The following TBC1D22A variants were observed in gnomAD, a reference collection of about 807,000 sequenced individuals.
TBC1D22A encodes putative GTPase activator.
TBC1D22A carries 38 observed loss-of-function variants against 60.2 expected under a neutral mutation model. That is an observed-to-expected ratio of 0.63 (90% CI 0.49 to 0.83). TBC1D22A has a LOEUF of 0.83. Ranked by LOEUF, TBC1D22A falls within the 40% of genes least tolerant of loss-of-function variation. TBC1D22A has a pLI of 0.00. For synonymous variants in TBC1D22A, 302 were observed against 281.7 expected, an observed-to-expected ratio of 1.07 and a Z score of -0.72; for missense variants, 628 against 701.0, an observed-to-expected ratio of 0.90 and a Z score of 1.18.
At chr22:47,013,132 C>T (rs2061805273) in intron 10 of TBC1D22A, among the ~76,000 whole-genome samples, 1 of 152,200 alleles carries the variant, frequency 6.6e-6, no homozygotes, top group African/African-American at 2.4e-5. Context: ...CTGCATCTGT[C>T]CCAGTCGCTT....
intron 12 of TBC1D22A, among the ~76,000 whole-genome samples, chr22:47,127,430 G>A (rs1211583908): frequency 3.6e-5 from 5 of 140,104 alleles, no homozygotes; most frequent in African/African-American, 1.1e-4. Context: ...TAGTAGAGAC[G>A]GCCAGGCTGG....
chr22:46,978,690 A>G (rs1002263606), intron 9 of TBC1D22A, among the ~76,000 whole-genome samples: 2 of 152,096 alleles, frequency 1.3e-5, no homozygotes, highest in African/African-American at 2.4e-5. Flanking sequence ...GTTCACTGCA[A>G]CCTCCGCCTC....
intron 12 of TBC1D22A, among the ~76,000 whole-genome samples, chr22:47,127,944 TCCTCCACCCCACCCGTCCTTC>T (rs1449695069): frequency 3.2e-5 from 2 of 63,104 alleles, no homozygotes; most frequent in Non-Finnish European, 6.1e-5. Context: ...ACCCATCCTC[TCCTCCACCCCACCCGTCCTTC>T]CCTCCACCCC....
intron 5 of TBC1D22A, among the ~76,000 whole-genome samples, chr22:46,887,388 G>A (rs2068171658): frequency 6.6e-6 from 1 of 152,198 alleles, no homozygotes; most frequent in Admixed American, 6.5e-5. Context: ...GAGTCACTTT[G>A]AAAATTCTTT....
At chr22:46,987,877 G>T (rs990826270) in intron 9 of TBC1D22A, among the ~76,000 whole-genome samples, 1 of 152,114 alleles carries the variant, frequency 6.6e-6, no homozygotes, top group Non-Finnish European at 1.5e-5. Context: ...AGAGCTACTC[G>T]ATGGCATTTT....
At chr22:47,010,947 G>A (rs888121498) in intron 10 of TBC1D22A, among the ~76,000 whole-genome samples, 2 of 152,156 alleles carry the variant, frequency 1.3e-5, no homozygotes, top group Non-Finnish European at 2.9e-5. Context: ...GGGCTGCTGC[G>A]GGGAATGATG....
At chr22:46,852,713 C>T (rs1279885825) in intron 4 of TBC1D22A, among the ~76,000 whole-genome samples, 1 of 152,184 alleles carries the variant, frequency 6.6e-6, no homozygotes, top group Non-Finnish European at 1.5e-5. Context: ...AATCTATTGA[C>T]TCCTGTCTCT....
intron 11 of TBC1D22A, among the ~76,000 whole-genome samples, chr22:47,052,659 G>A (rs1250179941): frequency 6.6e-6 from 1 of 152,184 alleles, no homozygotes; most frequent in Non-Finnish European, 1.5e-5. Flanking sequence ...TGCTCTGAGG[G>A]GCAGCGGCTG....
At chr22:46,786,302 A>G (rs1332959712) in intron 1 of TBC1D22A, among the ~76,000 whole-genome samples, 27 of 152,336 alleles carry the variant, frequency 1.8e-4, no homozygotes, top group Non-Finnish European at 2.9e-5. Context: ...CTATTAATAT[A>G]GTGTATTGCA....
intron 4 of TBC1D22A, among the ~76,000 whole-genome samples, chr22:46,824,082 A>G (rs568956272): frequency 1.2e-4 from 18 of 152,362 alleles, no homozygotes; most frequent in Admixed American, 8.5e-4. Flanking sequence ...CTATATCACC[A>G]TAACACGTTA....
At chr22:46,787,523 C>T (rs990556651) in intron 1 of TBC1D22A, among the ~76,000 whole-genome samples, 2 of 152,126 alleles carry the variant, frequency 1.3e-5, no homozygotes, top group Non-Finnish European at 2.9e-5. Context: ...GGCTTTCATA[C>T]AGTGAAACCC....
At chr22:46,852,655 C>G (rs1379778964) in intron 4 of TBC1D22A, among the ~76,000 whole-genome samples, 1 of 152,184 alleles carries the variant, frequency 6.6e-6, no homozygotes, top group Non-Finnish European at 1.5e-5. Flanking sequence ...TTTCTTGACC[C>G]CTTTGACCAT....
intron 1 of TBC1D22A, among the ~76,000 whole-genome samples, chr22:46,766,737 C>T (rs534211423): frequency 4.6e-5 from 7 of 152,182 alleles, no homozygotes; most frequent in African/African-American, 1.7e-4. Context: ...GTGGTTTCAA[C>T]ATGTTGGTGT....
intron 9 of TBC1D22A, among the ~76,000 whole-genome samples, chr22:46,981,063 T>C (rs1405549032): frequency 6.6e-6 from 1 of 152,186 alleles, no homozygotes; most frequent in East Asian, 1.9e-4. Context: ...GTTAGGTAGC[T>C]CTGTAGCCCA....
At chr22:46,843,213 C>T (rs1271153088) in intron 4 of TBC1D22A, among the ~76,000 whole-genome samples, 1 of 152,190 alleles carries the variant, frequency 6.6e-6, no homozygotes, top group Non-Finnish European at 1.5e-5. Flanking sequence ...AAGTGGGAAT[C>T]ACTTGCTTCT....
At chr22:46,876,912 A>G (rs2067594686) in intron 4 of TBC1D22A, among the ~76,000 whole-genome samples, 1 of 152,240 alleles carries the variant, frequency 6.6e-6, no homozygotes, top group South Asian at 2.1e-4. Flanking sequence ...TGTCGACCCC[A>G]TTCAGCATGT....
At chr22:47,070,468 A>G (rs1446703497) in intron 11 of TBC1D22A, among the ~76,000 whole-genome samples, 3 of 100,912 alleles carry the variant, frequency 3.0e-5, no homozygotes, top group Middle Eastern at 8.1e-3. Flanking sequence ...GTTGGAGCGG[A>G]GCTGACCTGA....
At chr22:47,059,023 C>T (rs944921783) in intron 11 of TBC1D22A, among the ~76,000 whole-genome samples, 8 of 152,172 alleles carry the variant, frequency 5.3e-5, no homozygotes, top group Non-Finnish European at 8.8e-5. Flanking sequence ...CTCTACACGT[C>T]CCCTGTCATC....
At chr22:46,959,135 A>T (rs2073362034) in intron 8 of TBC1D22A, among the ~76,000 whole-genome samples, 1 of 152,214 alleles carries the variant, frequency 6.6e-6, no homozygotes, top group South Asian at 2.1e-4. Flanking sequence ...TGGATGAGGA[A>T]CTGTGGGGCT....
Sources: allele counts gnomAD v4.1 joint callset (sites outside exome capture counted in the v4.1 genomes callset), GRCh38; gene constraint gnomAD v4.1.1; transcripts MANE v1.5; gene names NCBI Gene and HGNC (gene_info 2026-07-23, HGNC 2026-07-21).